CDC123: variants seen among roughly 807,000 people sequenced by gnomAD.
The protein encoded by CDC123 is translation initiation factor eIF2 assembly protein.
Under a neutral mutation model 54.4 loss-of-function variants are expected in CDC123, and 37 were observed. The ratio of observed to expected loss-of-function variants is 0.68; its 90% CI spans 0.52 to 0.89. CDC123 has a LOEUF of 0.89. Ranked by LOEUF, CDC123 falls within the 40% of genes least tolerant of loss-of-function variation. CDC123 has a pLI of 0.00. For synonymous variants in CDC123, 144 were observed against 136.8 expected (o/e 1.05, Z -0.37); for missense variants, 361 against 412.1 (o/e 0.88, Z 1.07).
rs192517299 is a variant in CDC123, at chr10:12,219,769, C to T, written c.440+2302C>T. Among the ~76,000 whole-genome samples the T allele has an allele frequency of 5.7e-4, 86 of 151,696 alleles. 1 individual carries two copies. Among genetic ancestry groups the T allele is most frequent in the African/African-American group, 1.9e-3 (80 of 41,332 alleles). On this transcript the variant is annotated intron_variant, in intron 6 of 12. Transcript: ENST00000281141. ...GTGCAATCTTGGCTCACTGCAACCT[C>T]CGCCTCCTGGGTTGAAGCAGTTCTT...
chr10:12,225,636 A>G (rs1333531125), intron 6 of CDC123, among the ~76,000 whole-genome samples: 1 of 151,916 alleles, frequency 6.6e-6, no homozygotes, highest in Admixed American at 6.6e-5. Flanking sequence ...ATTTGATTGC[A>G]TAATGAACTT....
intron 6 of CDC123, among the ~76,000 whole-genome samples, chr10:12,226,510 G>C (rs1297212604): frequency 2.0e-5 from 3 of 150,442 alleles, no homozygotes; most frequent in Non-Finnish European, 4.4e-5. Context: ...CGGGGCGGCC[G>C]GGCAGAGAGG....
intron 2 of CDC123, among the ~76,000 whole-genome samples, chr10:12,208,830 C>T (rs902170801): frequency 6.6e-6 from 1 of 152,224 alleles, no homozygotes; most frequent in East Asian, 1.9e-4. Flanking sequence ...GACTGCACAC[C>T]TCGCTTTGCT....
chr10:12,226,842 C>T (rs1254941092), intron 6 of CDC123, among the ~76,000 whole-genome samples: 1 of 152,130 alleles, frequency 6.6e-6, no homozygotes, highest in Non-Finnish European at 1.5e-5. Context: ...CTCCTTGCTT[C>T]CCAGACGGGG....
At chr10:12,223,736 T>TA (rs373564622) in intron 6 of CDC123, among the ~76,000 whole-genome samples, 3 of 152,050 alleles carry the variant, frequency 2.0e-5, no homozygotes, top group Non-Finnish European at 2.9e-5. Flanking sequence ...AGTAATAAAA[T>TA]AAAAAAATGT....
chr10:12,235,951 T>G (rs1588681239), intron 8 of CDC123, among the ~76,000 whole-genome samples: 4 of 152,228 alleles, frequency 2.6e-5, no homozygotes, highest in Admixed American at 2.6e-4. Context: ...GGAGTTTGTG[T>G]AATAGTCCAG....
At chr10:12,238,996 GA>G (rs558291118) in intron 10 of CDC123, among the ~76,000 whole-genome samples, 12 of 147,686 alleles carry the variant, frequency 8.1e-5, no homozygotes, top group East Asian at 4.0e-4. Flanking sequence ...CCTCAAAAGA[GA>G]AAAAAAAAAT....
intron 6 of CDC123, among the ~76,000 whole-genome samples, chr10:12,226,810 G>A (rs933424091): frequency 7.3e-5 from 11 of 151,324 alleles, no homozygotes; most frequent in Non-Finnish European, 1.0e-4. Context: ...CATCCCAGAC[G>A]ATGGGCGGCC....
intron 7 of CDC123, among the ~76,000 whole-genome samples, chr10:12,234,068 T>A (rs1362213626): frequency 6.6e-6 from 1 of 152,018 alleles, no homozygotes; most frequent in African/African-American, 2.4e-5. Context: ...AACTTTAGAA[T>A]TATATTATTT....
At chr10:12,209,920 G>A (rs1380760240) in intron 2 of CDC123, 47 bp from the exon 3 acceptor site, 11 of 1,579,154 alleles carry the variant, frequency 7.0e-6, no homozygotes, top group South Asian at 5.5e-5. Context: ...AGGAGCATGC[G>A]GTGCCCAAGT....
intron 6 of CDC123, among the ~76,000 whole-genome samples, chr10:12,220,199 A>G (rs1835717670): frequency 6.6e-6 from 1 of 152,210 alleles, no homozygotes; most frequent in Non-Finnish European, 1.5e-5. Context: ...TTGCCTTTCC[A>G]GAACTAACTA....
chr10:12,214,984 T>G (rs1257630000), intron 4 of CDC123, among the ~76,000 whole-genome samples: 1 of 152,212 alleles, frequency 6.6e-6, no homozygotes, highest in Admixed American at 6.5e-5. Flanking sequence ...TACCTTTTTT[T>G]CTTTCTTATG....
intron 4 of CDC123, among the ~76,000 whole-genome samples, chr10:12,212,069 C>CAGAG (rs1255408285): frequency 6.6e-6 from 1 of 152,156 alleles, no homozygotes; most frequent in South Asian, 2.1e-4. Context: ...GCCTGGGTGA[C>CAGAG]AGAGAGAGAC....
intron 4 of CDC123, among the ~76,000 whole-genome samples, chr10:12,212,399 T>C (rs887638461): frequency 1.3e-5 from 2 of 152,234 alleles, no homozygotes; most frequent in African/African-American, 4.8e-5. Context: ...GACAAAAAGA[T>C]GCCAGAAGCT....
rs574510238 is a variant in CDC123 at position 12,246,140 on chromosome 10, G to C, written c.718-9G>C. The C allele has an allele frequency of 1.7e-5, 28 of 1,612,080 alleles. No homozygotes were observed. The highest frequency in any genetic ancestry group is 1.3e-4 in the African/African-American group (10 of 74,946). ...GTTTGTTTTTGTTTTTTCTCTCTCT[G>C]TGCTACAGGGGAAGGTGTGGCTCAT... On this transcript the variant is annotated splice_polypyrimidine_tract_variant and intron_variant, in intron 10 of 12. Coordinates refer to ENST00000281141, the MANE Select transcript of CDC123 (RefSeq NM_006023.3).
intron 2 of CDC123, among the ~76,000 whole-genome samples, chr10:12,208,612 C>T (rs902994135): frequency 3.3e-5 from 5 of 152,122 alleles, no homozygotes; most frequent in Non-Finnish European, 7.4e-5. Flanking sequence ...CTTTGTGCAG[C>T]GCTGATAATG....
chr10:12,198,045 T>C (rs529722675), intron 1 of CDC123, among the ~76,000 whole-genome samples: 26 of 152,352 alleles, frequency 1.7e-4, no homozygotes, highest in Admixed American at 8.5e-4. Flanking sequence ...GGCTTTTTGA[T>C]AATTTATTAT....
chr10:12,211,537 GA>G (rs1368676377), intron 4 of CDC123, among the ~76,000 whole-genome samples: 1 of 152,192 alleles, frequency 6.6e-6, no homozygotes, highest in African/African-American at 2.4e-5. Flanking sequence ...CTCCTTTTAT[GA>G]AAATTCCATT....
rs566669198 is a variant in CDC123 at position 12,230,739 on chromosome 10, G to A, written c.441-209G>A. ...ACAGTCTTGCTCATAACATTGTTTC[G>A]ATGATTAAATGAGTTCATATCTCAG... is the stretch of plus-strand genomic sequence containing the variant. On this transcript the variant is annotated intron_variant, in intron 6 of 12. Coordinates refer to ENST00000281141, the MANE Select transcript of CDC123 (RefSeq NM_006023.3). Among the ~76,000 whole-genome samples, 8 of 152,286 alleles carry A rather than the reference G, an allele frequency of 5.3e-5. No homozygotes were observed. The East Asian group carries it at 1.3e-3, about 26-fold the overall frequency.
Sources: gnomAD v4.1 joint callset for allele counts (sites outside exome capture counted in the v4.1 genomes callset) on GRCh38, gnomAD v4.1.1 for gene constraint, MANE v1.5 for transcripts, NCBI Gene and HGNC (gene_info 2026-07-23, HGNC 2026-07-21) for gene names.